The following NRG1 variants were observed in gnomAD, a reference collection of about 807,000 sequenced individuals.
The protein encoded by NRG1 is neuregulin 1.
In NRG1, 18 loss-of-function variants were observed where a neutral mutation model predicts 63.8. The observed-to-expected ratio is 0.28, with a 90% CI of 0.19 to 0.42. The LOEUF (loss-of-function observed/expected upper bound fraction) is 0.42. NRG1 is among the 10% of genes least tolerant of loss of function. NRG1 has a pLI of 1.00. For missense variants in NRG1, 762 were observed against 814.7 expected, an observed-to-expected ratio of 0.94 and a Z score of 0.79; for synonymous variants, 302 against 301.3, an observed-to-expected ratio of 1.00 and a Z score of -0.02.
intron 1 of NRG1, among the ~76,000 whole-genome samples, chr8:32,420,406 G>A (rs147746877): frequency 6.6e-6 from 1 of 152,142 alleles, no homozygotes; most frequent in Non-Finnish European, 1.5e-5. Context: ...CAGATGGCTT[G>A]CCCAGAATTG....
At chr8:32,535,890 C>T (rs1831916718) in intron 1 of NRG1, among the ~76,000 whole-genome samples, 1 of 152,136 alleles carries the variant, frequency 6.6e-6, no homozygotes, top group South Asian at 2.1e-4. Context: ...AAGTAAAATG[C>T]CTGCCCAAAT....
In NRG1 at chr8:32,402,425, A is replaced by T. The variant is rs187325364; in HGVS notation, c.38-193403A>T. On this transcript the variant is annotated intron_variant, in intron 1 of 10. Coordinates refer to the NRG1 transcript ENST00000519301. ...TCTAAAAATATTAAATGGAAAATTTAAAAAAAAAACAATTCATAAGTGTTA... is the reference window on the plus strand; with the variant it reads ...TCTAAAAATATTAAATGGAAAATTTTAAAAAAAAACAATTCATAAGTGTTA... Among the ~76,000 whole-genome samples, 84 of 148,982 alleles carry T rather than the reference A, an allele frequency of 5.6e-4. No individual in the cohort carries two copies. The Middle Eastern group carries it at 0.01, about 18-fold the overall frequency.
chr8:31,732,358 G>C (rs1814177117), intron 1 of NRG1, among the ~76,000 whole-genome samples: 1 of 152,152 alleles, frequency 6.6e-6, no homozygotes. Context: ...CAGCTTCAAT[G>C]CCTAAGATAT....
At chr8:32,456,341 A>G (rs1821596228) in intron 1 of NRG1, among the ~76,000 whole-genome samples, 1 of 152,140 alleles carries the variant, frequency 6.6e-6, no homozygotes, top group Non-Finnish European at 1.5e-5. Context: ...TTCTTTCACA[A>G]GCAATGTGAT....
At chr8:32,175,318 G>A (rs1456068966) in intron 1 of NRG1, among the ~76,000 whole-genome samples, 1 of 152,168 alleles carries the variant, frequency 6.6e-6, no homozygotes, top group Admixed American at 6.5e-5. Context: ...ATTAGGTATT[G>A]ATGGGACATA....
At chr8:32,432,596 G>A (rs759184888) in intron 1 of NRG1, among the ~76,000 whole-genome samples, 4 of 151,988 alleles carry the variant, frequency 2.6e-5, no homozygotes, top group East Asian at 1.9e-4. Flanking sequence ...TGCAACCTCC[G>A]CCTCCCAGGT....
intron 1 of NRG1, among the ~76,000 whole-genome samples, chr8:31,791,954 G>T (rs1223177966): frequency 6.6e-6 from 1 of 152,166 alleles, no homozygotes; most frequent in African/African-American, 2.4e-5. Flanking sequence ...CTGCTTACAT[G>T]TTCTAGCTCC....
chr8:31,664,558 A>G (rs1585504124), intron 1 of NRG1, among the ~76,000 whole-genome samples: 1 of 152,344 alleles, frequency 6.6e-6, no homozygotes, highest in Admixed American at 6.5e-5. Context: ...AATCTCTTAT[A>G]AGAGTAGTTT....
At chr8:31,674,856 G>T (rs1807517484) in intron 1 of NRG1, among the ~76,000 whole-genome samples, 1 of 152,200 alleles carries the variant, frequency 6.6e-6, no homozygotes, top group Non-Finnish European at 1.5e-5. Context: ...AGCATATGAA[G>T]GGGGGAATGT....
intron 1 of NRG1, among the ~76,000 whole-genome samples, chr8:32,356,484 C>T (rs919707269): frequency 5.0e-5 from 5 of 100,856 alleles, no homozygotes; most frequent in Non-Finnish European, 7.9e-5. Flanking sequence ...ACCCCCCCCC[C>T]ACCCGCCGGG....
intron 1 of NRG1, among the ~76,000 whole-genome samples, chr8:31,923,136 T>A (rs1471727561): frequency 6.6e-6 from 1 of 152,218 alleles, no homozygotes; most frequent in Non-Finnish European, 1.5e-5. Flanking sequence ...CTCTTTTCTT[T>A]TTTAGAAACC....
chr8:32,688,392 A>G (rs1810734141), intron 5 of NRG1, among the ~76,000 whole-genome samples: 1 of 152,106 alleles, frequency 6.6e-6, no homozygotes, highest in Non-Finnish European at 1.5e-5. Flanking sequence ...CCTTTTTCCC[A>G]GCTACGAGGA....
At chr8:32,005,654 A>T (rs983238942) in intron 1 of NRG1, among the ~76,000 whole-genome samples, 2 of 152,132 alleles carry the variant, frequency 1.3e-5, no homozygotes, top group Non-Finnish European at 2.9e-5. Context: ...TGCTTTAGAC[A>T]CTTGACTGAC....
intron 1 of NRG1, among the ~76,000 whole-genome samples, chr8:32,056,157 C>T (rs1233817448): frequency 6.6e-6 from 1 of 152,030 alleles, no homozygotes; most frequent in Admixed American, 6.6e-5. Flanking sequence ...GTTGAGTTGG[C>T]CTGATAAATT....
intron 1 of NRG1, among the ~76,000 whole-genome samples, chr8:31,825,964 G>A (rs564912009): frequency 3.7e-4 from 56 of 152,262 alleles, no homozygotes; most frequent in African/African-American, 1.2e-3. Flanking sequence ...CTCCATGAAT[G>A]CTAGATTCAT....
At chr8:32,656,185 A>G (rs1801449841) in intron 5 of NRG1, among the ~76,000 whole-genome samples, 1 of 152,150 alleles carries the variant, frequency 6.6e-6, no homozygotes, top group South Asian at 2.1e-4. Context: ...TTCTAAATAA[A>G]GGGGAAAATT....
intron 1 of NRG1, among the ~76,000 whole-genome samples, chr8:31,968,122 T>C (rs1446119497): frequency 6.6e-6 from 1 of 152,142 alleles, no homozygotes; most frequent in East Asian, 1.9e-4. Flanking sequence ...AATTTCAAAA[T>C]GTTCAACAAA....
intron 1 of NRG1, among the ~76,000 whole-genome samples, chr8:32,528,642 T>C (rs573465857): frequency 6.6e-6 from 1 of 152,166 alleles, no homozygotes; most frequent in Non-Finnish European, 1.5e-5. Flanking sequence ...GAGTAGATAA[T>C]AGAGGAGTGG....
At chr8:31,658,320 G>A (rs564360845) in intron 1 of NRG1, among the ~76,000 whole-genome samples, 3 of 152,138 alleles carry the variant, frequency 2.0e-5, no homozygotes, top group African/African-American at 2.4e-5. Flanking sequence ...CTCTCACTCT[G>A]TACTCATGAC....
Sources: gnomAD v4.1 joint callset for allele counts (sites outside exome capture counted in the v4.1 genomes callset) on GRCh38, gnomAD v4.1.1 for gene constraint, MANE v1.5 for transcripts, NCBI Gene and HGNC (gene_info 2026-07-23, HGNC 2026-07-21) for gene names.